The following ZFHX3 variants were observed in gnomAD, a reference collection of about 807,000 sequenced individuals.
ZFHX3 encodes the protein zinc finger homeobox protein 3.
In ZFHX3, 42 loss-of-function variants were observed where a neutral mutation model predicts 279.1. The observed-to-expected ratio is 0.15, with a 90% CI of 0.12 to 0.19. The LOEUF is 0.19. Among genes scored for constraint, ZFHX3 ranks in the 10% least tolerant of loss-of-function variants. The pLI, the probability that ZFHX3 is intolerant of heterozygous loss-of-function variation, is 1.00. For missense variants in ZFHX3, 4,981 were observed against 4,754.0 expected, an observed-to-expected ratio of 1.05 and a Z score of -1.40; for synonymous variants, 2,293 against 1,957.8, an observed-to-expected ratio of 1.17 and a Z score of -4.52.
At chr16:73,483,507 A>G (rs1035126273) in intron 2 of ZFHX3, 12 of 400,794 alleles carry the variant, frequency 3.0e-5, no homozygotes, top group African/African-American at 1.3e-4. Flanking sequence ...TCGACGCTGA[A>G]CAAATAGGCC....
chr16:73,218,705 G>A (rs1340770171), intron 5 of ZFHX3, among the ~76,000 whole-genome samples: 1 of 152,158 alleles, frequency 6.6e-6, no homozygotes, highest in African/African-American at 2.4e-5. Context: ...GGAGGTGGAG[G>A]TTGCAGTGAG....
chr16:72,986,938 G>A lies in ZFHX3; in HGVS notation c.-49-26744C>T, dbSNP rs182438629. Among the ~76,000 whole-genome samples, 49 of 152,254 alleles carry A rather than the reference G, an allele frequency of 3.2e-4. No homozygotes were observed. In the East Asian group the frequency reaches 8.3e-3, roughly 26 times the overall value. On this transcript the variant is annotated intron_variant, in intron 1 of 9. Transcript: ENST00000268489. ...AGTCAGACAGACCGCTTGAGCCCAG[G>A]AGTTTGAGATCAGCCTGGGTAACAC...
At chr16:72,882,098 C>G (rs572308992) in intron 4 of ZFHX3, among the ~76,000 whole-genome samples, 1 of 152,080 alleles carries the variant, frequency 6.6e-6, no homozygotes, top group East Asian at 1.9e-4. Flanking sequence ...CAATGCTCAC[C>G]CCTCAACAAA....
At chr16:72,813,499 C>A (rs1412215377) in intron 5 of ZFHX3, among the ~76,000 whole-genome samples, 1 of 152,116 alleles carries the variant, frequency 6.6e-6, no homozygotes, top group African/African-American at 2.4e-5. Flanking sequence ...GAAATATATT[C>A]CAGGAAGTTG....
At chr16:73,832,806 C>A (rs1172236313) in intron 1 of ZFHX3, among the ~76,000 whole-genome samples, 1 of 152,102 alleles carries the variant, frequency 6.6e-6, no homozygotes, top group Non-Finnish European at 1.5e-5. Flanking sequence ...CACACACACA[C>A]CTTGAAAATC....
intron 4 of ZFHX3, among the ~76,000 whole-genome samples, chr16:72,876,181 T>C (rs987502241): frequency 6.6e-6 from 1 of 152,202 alleles, no homozygotes; most frequent in Non-Finnish European, 1.5e-5. Context: ...GTTTTCAAAA[T>C]AACCGGGTTC....
chr16:73,175,475 C>G (rs1389389198), intron 5 of ZFHX3, among the ~76,000 whole-genome samples: 1 of 152,128 alleles, frequency 6.6e-6, no homozygotes, highest in African/African-American at 2.4e-5. Context: ...CTTTTATGTT[C>G]CAGCCACACT....
intron 5 of ZFHX3, among the ~76,000 whole-genome samples, chr16:73,171,881 G>A (rs1411500587): frequency 2.6e-5 from 4 of 152,220 alleles, no homozygotes; most frequent in East Asian, 3.9e-4. Flanking sequence ...AATACTAAAT[G>A]CTTGAGATGA....
chr16:73,145,528 C>G (rs1966859253), intron 5 of ZFHX3, among the ~76,000 whole-genome samples: 1 of 152,224 alleles, frequency 6.6e-6, no homozygotes, highest in African/African-American at 2.4e-5. Flanking sequence ...CAGCTAAAGA[C>G]TGTTTGATTG....
intron 2 of ZFHX3, among the ~76,000 whole-genome samples, chr16:73,653,730 T>C (rs2052694000): frequency 6.6e-6 from 1 of 151,262 alleles, no homozygotes; most frequent in African/African-American, 2.5e-5. Flanking sequence ...TAAACTAGAT[T>C]TAATAAAACA....
intron 1 of ZFHX3, among the ~76,000 whole-genome samples, chr16:73,804,665 T>C (rs1335895589): frequency 1.3e-5 from 2 of 152,062 alleles, no homozygotes; most frequent in African/African-American, 2.4e-5. Context: ...GAGTCTTTTA[T>C]TGAAAAATAT....
At chr16:73,152,969 C>G (rs1250679188) in intron 5 of ZFHX3, among the ~76,000 whole-genome samples, 1 of 152,058 alleles carries the variant, frequency 6.6e-6, no homozygotes, top group Non-Finnish European at 1.5e-5. Flanking sequence ...AATGCAGTTG[C>G]TGTGAAGGGG....
chr16:73,308,268 TATATATA>T (rs1567446280), intron 4 of ZFHX3, among the ~76,000 whole-genome samples: 26 of 82,092 alleles, frequency 3.2e-4, no homozygotes, highest in South Asian at 1.0e-3. Flanking sequence ...TATATATATA[TATATATA>T]TATTTATTTA....
chr16:72,938,362 C>G (rs1010130459), intron 3 of ZFHX3, among the ~76,000 whole-genome samples: 6 of 152,260 alleles, frequency 3.9e-5, no homozygotes, highest in African/African-American at 1.4e-4. Context: ...GATTAATTAG[C>G]TGTGTAATTA....
chr16:73,469,678 C>T (rs186305088), intron 2 of ZFHX3, among the ~76,000 whole-genome samples: 345 of 152,008 alleles, frequency 2.3e-3, no homozygotes, highest in African/African-American at 7.4e-3. Context: ...AGTGCAGTGG[C>T]GTGATCTCGA....
At chr16:72,877,473 G>A (rs1399940405) in intron 4 of ZFHX3, among the ~76,000 whole-genome samples, 2 of 152,178 alleles carry the variant, frequency 1.3e-5, no homozygotes, top group Admixed American at 6.5e-5. Flanking sequence ...AAGTGACCAC[G>A]CATCAGAGTG....
chr16:73,538,720 C>T (rs1476261717), intron 2 of ZFHX3, among the ~76,000 whole-genome samples: 1 of 152,128 alleles, frequency 6.6e-6, no homozygotes, highest in Non-Finnish European at 1.5e-5. Context: ...TTTAGAAATC[C>T]CACCTTCGCA....
chr16:73,758,321 G>C (rs376010827), intron 1 of ZFHX3, among the ~76,000 whole-genome samples: 5 of 152,296 alleles, frequency 3.3e-5, no homozygotes, highest in African/African-American at 1.2e-4. Context: ...GAATTCAGTA[G>C]TCAATATTAA....
At chr16:72,873,433 G>C (rs1202230454) in intron 4 of ZFHX3, among the ~76,000 whole-genome samples, 1 of 152,174 alleles carries the variant, frequency 6.6e-6, no homozygotes, top group East Asian at 1.9e-4. Flanking sequence ...TGAGAATTCA[G>C]GTACGTTCTT....
Sources: gnomAD v4.1 joint callset for allele counts (sites outside exome capture counted in the v4.1 genomes callset) on GRCh38, gnomAD v4.1.1 for gene constraint, MANE v1.5 for transcripts, NCBI Gene and HGNC (gene_info 2026-07-23, HGNC 2026-07-21) for gene names.